Variants in STK32B observed in about 807,000 individuals in gnomAD.
STK32B encodes the protein serine/threonine-protein kinase 32B.
STK32B carries 43 observed loss-of-function variants against 52.6 expected under a neutral mutation model. The observed-to-expected ratio is 0.82, with a 90% CI of 0.64 to 1.05. STK32B has a LOEUF of 1.05. STK32B is among the 50% of genes least tolerant of loss of function. The pLI, the probability that STK32B is intolerant of heterozygous loss-of-function variation, is 0.00. For missense variants in STK32B, 621 were observed against 534.6 expected (o/e 1.16, Z -1.59); for synonymous variants, 238 against 204.3 (o/e 1.17, Z -1.41).
At chr4:5,091,721 T>C (rs1713089339) in intron 1 of STK32B, among the ~76,000 whole-genome samples, 1 of 152,204 alleles carries the variant, frequency 6.6e-6, no homozygotes. Context: ...CTTAGGTATA[T>C]GCTGAAGAGA....
intron 2 of STK32B, among the ~76,000 whole-genome samples, chr4:5,145,162 G>T (rs960731434): frequency 1.3e-5 from 2 of 152,132 alleles, no homozygotes; most frequent in East Asian, 1.9e-4. Flanking sequence ...GAAGGTGAAA[G>T]AATTTTACAT....
chr4:5,243,464 T>C (rs1411325583), intron 3 of STK32B, among the ~76,000 whole-genome samples: 1 of 152,204 alleles, frequency 6.6e-6, no homozygotes, highest in Admixed American at 6.5e-5. Context: ...CTCATCAGCT[T>C]AAGGAGATTT....
chr4:5,174,981 C>G (rs1308809600), intron 3 of STK32B, among the ~76,000 whole-genome samples: 1 of 152,212 alleles, frequency 6.6e-6, no homozygotes, highest in Non-Finnish European at 1.5e-5. Flanking sequence ...TCCCATATTT[C>G]TTGTAGGCTT....
chr4:5,053,407 A>G (rs1388703126), intron 1 of STK32B, among the ~76,000 whole-genome samples: 1 of 152,122 alleles, frequency 6.6e-6, no homozygotes, highest in East Asian at 1.9e-4. Flanking sequence ...GAGTTTGAAC[A>G]CTATGCAGCA....
chr4:5,094,385 G>A (rs1034868653), intron 1 of STK32B, among the ~76,000 whole-genome samples: 5 of 152,338 alleles, frequency 3.3e-5, no homozygotes, highest in African/African-American at 9.6e-5. Flanking sequence ...TGGCATGATA[G>A]CTCATGCCTG....
rs563095259 is a variant in STK32B, at chr4:5,448,422, C to T, written c.666+1646C>T. Among the ~76,000 whole-genome samples, 3 of 152,230 alleles carry T rather than the reference C, an allele frequency of 2.0e-5. No individual in the cohort carries two copies. The Middle Eastern group carries it at 0.01, about 518-fold the overall frequency. ...CGATGTCGTAGGAACCAGAACACACCGGCATCCGCCAGAGGCTGTTAATCT... is the reference window on the plus strand; with the variant it reads ...CGATGTCGTAGGAACCAGAACACACTGGCATCCGCCAGAGGCTGTTAATCT... On this transcript the variant is annotated intron_variant, in intron 7 of 11. Coordinates refer to ENST00000282908, the MANE Select transcript of STK32B (RefSeq NM_018401.3).
At chr4:5,223,973 T>C (rs1453248319) in intron 3 of STK32B, among the ~76,000 whole-genome samples, 1 of 152,180 alleles carries the variant, frequency 6.6e-6, no homozygotes, top group Non-Finnish European at 1.5e-5. Flanking sequence ...TGTCCCACCA[T>C]TGTATTTTGT....
chr4:5,181,058 G>C (rs1405381997), intron 3 of STK32B, among the ~76,000 whole-genome samples: 1 of 152,070 alleles, frequency 6.6e-6, no homozygotes, highest in Non-Finnish European at 1.5e-5. Context: ...AAAGGTGAGG[G>C]GAGAGAAAAG....
At chr4:5,402,305 G>A (rs1737344193) in intron 5 of STK32B, among the ~76,000 whole-genome samples, 1 of 152,240 alleles carries the variant, frequency 6.6e-6, no homozygotes, top group Non-Finnish European at 1.5e-5. Context: ...GAAATGGAAT[G>A]GATGGAGCCA....
chr4:5,383,776 A>T (rs1736075935), intron 4 of STK32B, among the ~76,000 whole-genome samples: 1 of 152,208 alleles, frequency 6.6e-6, no homozygotes, highest in African/African-American at 2.4e-5. Flanking sequence ...GCTGTGTCTG[A>T]TTCATCCATT....
rs1426596899 is a variant in STK32B at position 5,317,244 on chromosome 4, T to TTA, written c.261-13969_261-13968dup. ...ATATATTATATATAACATATATATA[T>TTA]TATATATAACATATAACATATATAT... On this transcript the variant is annotated intron_variant, in intron 3 of 11. Transcript: ENST00000282908. 1.0e-4 allele frequency among the ~76,000 whole-genome samples: 5 copies of TTA among 47,962 alleles called. No individual in the cohort carries two copies. In the African/African-American group the frequency reaches 1.1e-3, roughly 10 times the overall value. The allele number at this position is 47,962 out of a possible 152,430, so 31.5% of individuals were successfully genotyped here. A position where few individuals can be genotyped will look rare whatever the true frequency, so the allele number is the denominator to read the frequency against.
intron 3 of STK32B, among the ~76,000 whole-genome samples, chr4:5,283,738 G>A (rs1319425463): frequency 1.3e-5 from 2 of 152,100 alleles, no homozygotes; most frequent in East Asian, 3.8e-4. Context: ...ATTTTACCTG[G>A]CAATCTTTAG....
intron 3 of STK32B, among the ~76,000 whole-genome samples, chr4:5,251,402 A>G (rs1725917454): frequency 6.6e-6 from 1 of 152,078 alleles, no homozygotes; most frequent in African/African-American, 2.4e-5. Context: ...GTAGCTGTGC[A>G]GCTTTATTTC....
chr4:5,220,413 A>G (rs201802484), intron 3 of STK32B, among the ~76,000 whole-genome samples: 1 of 152,178 alleles, frequency 6.6e-6, no homozygotes. Flanking sequence ...AACAAAGGGG[A>G]CACCTAGGCC....
At chr4:5,475,001 G>A (rs1332549498) in intron 11 of STK32B, among the ~76,000 whole-genome samples, 4 of 152,180 alleles carry the variant, frequency 2.6e-5, no homozygotes, top group Non-Finnish European at 4.4e-5. Flanking sequence ...AATCAGCTCA[G>A]TGACCTGACG....
At chr4:5,115,835 C>T (rs561914654) in intron 1 of STK32B, among the ~76,000 whole-genome samples, 8 of 152,124 alleles carry the variant, frequency 5.3e-5, no homozygotes, top group Non-Finnish European at 1.0e-4. Context: ...GCTTTCTGAA[C>T]CAGAGAGAAC....
intron 3 of STK32B, among the ~76,000 whole-genome samples, chr4:5,236,525 C>T (rs897852274): frequency 4.6e-5 from 7 of 152,300 alleles, no homozygotes; most frequent in Admixed American, 6.5e-5. Flanking sequence ...TGACTTCCAA[C>T]TGCATCAATT....
At chr4:5,446,073 C>T (rs1449801601) in intron 6 of STK32B, among the ~76,000 whole-genome samples, 1 of 152,234 alleles carries the variant, frequency 6.6e-6, no homozygotes, top group African/African-American at 2.4e-5. Flanking sequence ...AATCCACCCC[C>T]TCCAGGGGCA....
rs1055894165 is a variant in STK32B at position 5,396,987 on chromosome 4, G to C, written c.435-1220G>C. Among the ~76,000 whole-genome samples, 2 of 152,194 alleles carry C rather than the reference G, an allele frequency of 1.3e-5. No homozygotes were observed. The highest frequency in any genetic ancestry group is 1.3e-4 in the Admixed American group (2 of 15,284). On this transcript the variant is annotated intron_variant, in intron 4 of 11. Transcript: ENST00000282908. This position sits in a 1 kb window ranked among gnomAD's most constrained non-coding sequence, Gnocchi z 4.7. ...GGCAGCAGGGGCCCACGTACTCAAT[G>C]CTCCTCGGTACTCATGGGTTTGAAA...
Sources: gnomAD v4.1 joint callset for allele counts (sites outside exome capture counted in the v4.1 genomes callset) on GRCh38, gnomAD v4.1.1 for gene constraint, Gnocchi (gnomAD v3.1) non-coding constraint, MANE v1.5 for transcripts, NCBI Gene and HGNC (gene_info 2026-07-23, HGNC 2026-07-21) for gene names.